Variants in SLAMF8 observed in about 807,000 individuals in gnomAD.
SLAMF8 encodes B lymphocyte activator macrophage expressed.
Under a neutral mutation model 29.0 loss-of-function variants are expected in SLAMF8, and 23 were observed. The ratio of observed to expected loss-of-function variants is 0.79; its 90% CI spans 0.57 to 1.13. The LOEUF (loss-of-function observed/expected upper bound fraction) is 1.13. Ranked by LOEUF, SLAMF8 falls within the 50% of genes most tolerant of loss-of-function variation. The probability of loss-of-function intolerance (pLI) is 0.00; values close to 1 mark genes in which losing one functional copy is unlikely to be tolerated. For missense variants in SLAMF8, 381 were observed against 353.1 expected, an observed-to-expected ratio of 1.08 and a Z score of -0.63; for synonymous variants, 139 against 145.6, an observed-to-expected ratio of 0.96 and a Z score of 0.32.
Position 159,835,748 on chromosome 1 carries a change from A to T in SLAMF8, c.*488A>T. Reference sequence around the variant, plus strand: ...TCAGCCCCAGACCCTGCAGTTTGAGATCTGATGCTTCCTGAGGGCCAAGGC... The same window carrying T: ...TCAGCCCCAGACCCTGCAGTTTGAGTTCTGATGCTTCCTGAGGGCCAAGGC... On this transcript the variant is annotated 3_prime_UTR_variant, in exon 5 of 5. Coordinates refer to ENST00000289707, the MANE Select transcript of SLAMF8 (RefSeq NM_020125.3). The T allele has an allele frequency of 1.0e-6, 1 of 985,858 alleles. No individual in the cohort carries two copies. Among genetic ancestry groups the T allele is most frequent in the Non-Finnish European group, 1.2e-6 (1 of 830,262 alleles). 61.1% of individuals were successfully genotyped at this position (985,858 alleles called of 1,614,324 possible). A position where few individuals can be genotyped will look rare whatever the true frequency, so the allele number is the denominator to read the frequency against.
At position 159,835,480 on chromosome 1, in the gene SLAMF8, T is replaced by C; in HGVS notation, c.*220T>C. On this transcript the variant is annotated 3_prime_UTR_variant, in exon 5 of 5. Coordinates refer to ENST00000289707, the MANE Select transcript of SLAMF8 (RefSeq NM_020125.3). The stretch of plus-strand genomic sequence containing the variant: ...CCCTTCCCTCTCCCATCTTCTCATA[T>C]CCTGGCTCTTCTCTGGGCAAGATGA... 1 of 1,327,914 alleles carries C rather than the reference T, an allele frequency of 7.5e-7. No homozygotes were observed. Among genetic ancestry groups the C allele is most frequent in the Non-Finnish European group, 9.6e-7 (1 of 1,041,548 alleles). The allele number at this position is 1,327,914 out of a possible 1,614,324, so 82.3% of individuals were successfully genotyped here. A position where few individuals can be genotyped will look rare whatever the true frequency, so the allele number is the denominator to read the frequency against.
chr1:159,836,405 A>G lies in SLAMF8; in HGVS notation c.*1145A>G. On this transcript the variant is annotated 3_prime_UTR_variant, in exon 5 of 5. Coordinates refer to ENST00000289707, the MANE Select transcript of SLAMF8 (RefSeq NM_020125.3). ...TCTGCCCCTGAATGATTCTGTCTAGAAAAGCTCTGGAGTATTGATCACTAC... is the reference window on the plus strand; with the variant it reads ...TCTGCCCCTGAATGATTCTGTCTAGGAAAGCTCTGGAGTATTGATCACTAC... 1 of 985,434 alleles carries G rather than the reference A, an allele frequency of 1.0e-6. No homozygotes were observed. The highest frequency in any genetic ancestry group is 1.2e-6 in the Non-Finnish European group (1 of 829,936). 61.0% of individuals were successfully genotyped at this position (985,434 alleles called of 1,614,324 possible). A position where few individuals can be genotyped will look rare whatever the true frequency, so the allele number is the denominator to read the frequency against.
chr1:159,835,527 A>G lies in SLAMF8; in HGVS notation c.*267A>G. The G allele has an allele frequency of 1.6e-6, 2 of 1,224,876 alleles. No homozygotes were observed. Among genetic ancestry groups the G allele is most frequent in the Non-Finnish European group, 2.0e-6 (2 of 979,920 alleles). 75.9% of individuals were successfully genotyped at this position (1,224,876 alleles called of 1,614,324 possible). A position where few individuals can be genotyped will look rare whatever the true frequency, so the allele number is the denominator to read the frequency against. On this transcript the variant is annotated 3_prime_UTR_variant, in exon 5 of 5. Transcript: ENST00000289707. The stretch of plus-strand genomic sequence containing the variant: ...ATGAGCCAAGCAGAACATTCCATCC[A>G]GGACACTGGAAGTTCTCCAGGATCC...
chr1:159,828,978 G>A lies in SLAMF8; in HGVS notation c.41-888G>A, dbSNP rs528382705. Among the ~76,000 whole-genome samples, 13 of 152,098 alleles carry A rather than the reference G, an allele frequency of 8.5e-5. 1 individual carries two copies. The highest frequency in any genetic ancestry group is 1.8e-4 in the Non-Finnish European group (12 of 68,028). The stretch of plus-strand genomic sequence containing the variant: ...GGATCACAGAGAATAACATCCAGTG[G>A]ATCCCAAGGACCTGGGAGCCGTCCT... On this transcript the variant is annotated intron_variant, in intron 1 of 4. Transcript: ENST00000289707.
At position 159,833,273 on chromosome 1, in the gene SLAMF8, G is replaced by T. The variant is rs751055151; in HGVS notation, c.685G>T (p.Ala229Ser). 1.9e-6 allele frequency: 3 copies of T among 1,614,180 alleles called. No individual in the cohort carries two copies. The highest frequency in any genetic ancestry group is 2.5e-6 in the Non-Finnish European group (3 of 1,180,014). ...CCCTCCATGTTCAGCACCAGGGAAG[G>T]CCTCCTACAAAGATGTGCTGCTGGT... ...SCHHEAAPGKASYKDVLLVVV... is the reference protein window; with the variant it reads ...SCHHEAAPGKSSYKDVLLVVV... Residue 229 changes from alanine (A) to serine (S), a missense_variant, in exon 4 of 5, where the codon GCC becomes TCC. Transcript: ENST00000289707.
rs754700831 is a variant in SLAMF8, at chr1:159,829,988, C to CCAG, written c.164_165insAGC (p.Pro55_Ser56insAla). On this transcript the variant is annotated inframe_insertion, in exon 2 of 5. Transcript: ENST00000289707. Reference sequence around the variant, plus strand: ...TGAGGCTATCTGGCGATCTCTCTGGCCTTCAGAAGAGCTCCTGGCCACGTT... The same window carrying CCAG: ...TGAGGCTATCTGGCGATCTCTCTGGCCAGCTTCAGAAGAGCTCCTGGCCACGTT... The CCAG allele has an allele frequency of 6.8e-6, 11 of 1,614,132 alleles. No individual in the cohort carries two copies. Among genetic ancestry groups the CCAG allele is most frequent in the African/African-American group, 1.3e-5 (1 of 74,942 alleles).
intron 4 of SLAMF8, 22 bp downstream of exon 4, chr1:159,833,391 G>C (rs1258502631): frequency 3.1e-6 from 5 of 1,613,642 alleles, no homozygotes; most frequent in Non-Finnish European, 8.5e-7. Flanking sequence ...GCAGGTGCAG[G>C]AGGTAGGTGG....
intron 1 of SLAMF8, among the ~76,000 whole-genome samples, chr1:159,829,625 A>C (rs2101784389): frequency 6.6e-6 from 1 of 152,300 alleles, no homozygotes; most frequent in South Asian, 2.1e-4. Context: ...CATGGTATTT[A>C]ACAGAATTCA....
chr1:159,835,085 T>G, intron 4 of SLAMF8, 99 bp from the exon 5 acceptor site: 2 of 1,107,886 alleles, frequency 1.8e-6, no homozygotes, highest in Non-Finnish European at 1.3e-6. Flanking sequence ...AAGGTGACCT[T>G]GGGCTAACAC....
At chr1:159,832,652 G>A (rs1206875185) in intron 2 of SLAMF8, among the ~76,000 whole-genome samples, 4 of 152,206 alleles carry the variant, frequency 2.6e-5, no homozygotes, top group Non-Finnish European at 4.4e-5. Flanking sequence ...AGCAGCAGGA[G>A]GTACAGCTGG....
At chr1:159,830,798 G>T (rs1647434535) in intron 2 of SLAMF8, among the ~76,000 whole-genome samples, 1 of 152,202 alleles carries the variant, frequency 6.6e-6, no homozygotes, top group African/African-American at 2.4e-5. Flanking sequence ...TTCTTAGAGA[G>T]ATCTTAACTA....
rs764432167 is a variant in SLAMF8 at position 159,835,625 on chromosome 1, C to T, written c.*365C>T. 1.6e-4 allele frequency: 159 copies of T among 1,017,994 alleles called. No individual in the cohort carries two copies. The highest frequency in any genetic ancestry group is 9.6e-4 in the Middle Eastern group (2 of 2,082). The allele number at this position is 1,017,994 out of a possible 1,614,324, so 63.1% of individuals were successfully genotyped here. A position where few individuals can be genotyped will look rare whatever the true frequency, so the allele number is the denominator to read the frequency against. On this transcript the variant is annotated 3_prime_UTR_variant, in exon 5 of 5. Transcript: ENST00000289707. ...TATTCATAAAGTATTAACCAACTGGCACCAAGGAATTGCCTCCAGCCTGAG... is the reference window on the plus strand; with the variant it reads ...TATTCATAAAGTATTAACCAACTGGTACCAAGGAATTGCCTCCAGCCTGAG...
At chr1:159,829,788 C>T in intron 1 of SLAMF8, 78 bp from the exon 2 acceptor site, 1 of 1,481,818 alleles carries the variant, frequency 6.7e-7, no homozygotes, top group Non-Finnish European at 9.0e-7. Context: ...CCAATTCACC[C>T]TATAGCAGCT....
chr1:159,837,120 T>TG lies in SLAMF8; in HGVS notation c.*1863dup. On this transcript the variant is annotated 3_prime_UTR_variant, in exon 5 of 5. Coordinates refer to ENST00000289707, the MANE Select transcript of SLAMF8 (RefSeq NM_020125.3). ...CAGATCAAAGCAGCTCTGGATGAGA[T>TG]GGGACCTGCAGCTCTCCCTCCACAA... The TG allele has an allele frequency of 1.0e-6, 1 of 985,478 alleles. No homozygotes were observed. The highest frequency in any genetic ancestry group is 1.2e-6 in the Non-Finnish European group (1 of 829,968). 61.0% of individuals were successfully genotyped at this position (985,478 alleles called of 1,614,324 possible).
Position 159,836,792 on chromosome 1 carries a change from G to A in SLAMF8, c.*1532G>A. On this transcript the variant is annotated 3_prime_UTR_variant, in exon 5 of 5. Transcript: ENST00000289707. ...TGCCTGGCCTGCTCAGAGGTTCCCT[G>A]TTGGTAACCTGGCTTTATCAAATTC... 1 of 985,566 alleles carries A rather than the reference G, an allele frequency of 1.0e-6. No homozygotes were observed. 61.1% of individuals were successfully genotyped at this position (985,566 alleles called of 1,614,324 possible).
Position 159,833,055 on chromosome 1 carries a change from G to A in SLAMF8, c.547G>A (p.Gly183Arg), listed in dbSNP as rs34249690. The change falls in exon 3 of 5, where the codon GGA becomes AGA. Residue 183 changes from glycine to arginine, a missense_variant. Gly to Arg is a moderately radical substitution (Grantham distance 125, BLOSUM62 -2). Coordinates refer to ENST00000289707, the MANE Select transcript of SLAMF8 (RefSeq NM_020125.3). ...GGAACCACACAGCCTCTTCACAGAC[G>A]GACAGGTGCTGAGCATTTCCCTGGG... Reference protein sequence around the residue: ...GMEPHSLFTDGQVLSISLGPG... With the variant: ...GMEPHSLFTDRQVLSISLGPG... The A allele has an allele frequency of 6.1e-4, 977 of 1,614,144 alleles. 4 individuals carry two copies. In the East Asian group the frequency reaches 0.012, roughly 21 times the overall value.
intron 4 of SLAMF8, 138 bp from the exon 5 acceptor site, chr1:159,835,046 G>T (rs993585678): frequency 2.7e-6 from 2 of 734,526 alleles, no homozygotes; most frequent in African/African-American, 3.5e-5. Context: ...CCAGGGTGTT[G>T]GAAGACCAGG....
chr1:159,835,487 T>C lies in SLAMF8; in HGVS notation c.*227T>C. On this transcript the variant is annotated 3_prime_UTR_variant, in exon 5 of 5. Coordinates refer to ENST00000289707, the MANE Select transcript of SLAMF8 (RefSeq NM_020125.3). ...CTCTCCCATCTTCTCATATCCTGGC[T>C]CTTCTCTGGGCAAGATGAGCCAAGC... 7.6e-7 allele frequency: 1 copy of C among 1,317,796 alleles called. No homozygotes were observed. Among genetic ancestry groups the C allele is most frequent in the Non-Finnish European group, 9.7e-7 (1 of 1,035,752 alleles). The allele number at this position is 1,317,796 out of a possible 1,614,324, so 81.6% of individuals were successfully genotyped here.
At position 159,836,068 on chromosome 1, in the gene SLAMF8, A is replaced by T; in HGVS notation, c.*808A>T. On this transcript the variant is annotated 3_prime_UTR_variant, in exon 5 of 5. Coordinates refer to ENST00000289707, the MANE Select transcript of SLAMF8 (RefSeq NM_020125.3). ...GCTCCAGCACAGTGGCCAGGAAAAG[A>T]AATACTGAATTTGCCCCAGCCAACA... The T allele has an allele frequency of 1.0e-6, 1 of 985,468 alleles. No individual in the cohort carries two copies. The highest frequency in any genetic ancestry group is 1.2e-6 in the Non-Finnish European group (1 of 829,950). The allele number at this position is 985,468 out of a possible 1,614,324, so 61.0% of individuals were successfully genotyped here. A position where few individuals can be genotyped will look rare whatever the true frequency, so the allele number is the denominator to read the frequency against.
Sources: allele counts gnomAD v4.1 joint callset (sites outside exome capture counted in the v4.1 genomes callset), GRCh38; gene constraint gnomAD v4.1.1; transcripts MANE v1.5; gene names NCBI Gene and HGNC (gene_info 2026-07-23, HGNC 2026-07-21).